Variants in EYS observed in about 807,000 individuals in gnomAD.
EYS encodes protein eyes shut homolog.
In EYS, 250 loss-of-function variants were observed where a neutral mutation model predicts 282.1. That is an observed-to-expected ratio of 0.89 (90% CI 0.80 to 0.98). The LOEUF (loss-of-function observed/expected upper bound fraction) is 0.98. Ranked by LOEUF, EYS falls within the 50% of genes least tolerant of loss-of-function variation. EYS has a pLI of 0.00. For synonymous variants in EYS, 1,355 were observed against 1,282.9 expected, an observed-to-expected ratio of 1.06 and a Z score of -1.20; for missense variants, 4,016 against 3,709.0, an observed-to-expected ratio of 1.08 and a Z score of -2.15.
intron 22 of EYS, among the ~76,000 whole-genome samples, chr6:64,665,935 C>CT: frequency 2.9e-4 from 1 of 3,406 alleles, no homozygotes; most frequent in South Asian, 0.1. Context: ...TGGCTGGAGG[C>CT]CAGGAACTTG....
intron 34 of EYS, among the ~76,000 whole-genome samples, chr6:63,985,164 A>G (rs1582081373): frequency 6.6e-6 from 1 of 151,834 alleles, no homozygotes; most frequent in Middle Eastern, 3.4e-3. Context: ...TTATAAGGAC[A>G]ATAGTCTTTT....
intron 1 of EYS, among the ~76,000 whole-genome samples, chr6:65,668,377 A>T (rs1435244400): frequency 2.0e-5 from 3 of 151,798 alleles, no homozygotes; most frequent in Non-Finnish European, 3.0e-5. Flanking sequence ...ATTATTTTAT[A>T]TTGGGTCTTG....
At chr6:64,023,125 C>G (rs1769271744) in intron 33 of EYS, among the ~76,000 whole-genome samples, 1 of 152,144 alleles carries the variant, frequency 6.6e-6, no homozygotes, top group Admixed American at 6.5e-5. Context: ...CTTTTTGTGT[C>G]TGGATTATTG....
intron 37 of EYS, among the ~76,000 whole-genome samples, chr6:63,790,289 T>C (rs1368889401): frequency 6.6e-6 from 1 of 152,176 alleles, no homozygotes; most frequent in Non-Finnish European, 1.5e-5. Context: ...GAGAGAAAGA[T>C]CTACAGGGAG....
intron 12 of EYS, among the ~76,000 whole-genome samples, chr6:65,113,766 T>G (rs915398840): frequency 7.9e-5 from 12 of 152,042 alleles, no homozygotes; most frequent in Admixed American, 6.6e-4. Flanking sequence ...CTTTTTCCTA[T>G]GACTAATTTT....
intron 8 of EYS, among the ~76,000 whole-genome samples, chr6:65,374,366 C>A (rs1266256658): frequency 6.6e-6 from 1 of 152,170 alleles, no homozygotes; most frequent in East Asian, 1.9e-4. Flanking sequence ...GCTATCTGGC[C>A]CAGATACTAC....
chr6:65,005,427 T>G (rs928434117), intron 13 of EYS, among the ~76,000 whole-genome samples: 1 of 147,474 alleles, frequency 6.8e-6, no homozygotes, highest in Non-Finnish European at 1.5e-5. Context: ...AACACAAGGC[T>G]TGCCACCATC....
intron 5 of EYS, among the ~76,000 whole-genome samples, chr6:65,466,791 G>C (rs1765015835): frequency 6.6e-6 from 1 of 152,122 alleles, no homozygotes; most frequent in Non-Finnish European, 1.5e-5. Context: ...ATCCAGAAGA[G>C]AAGGAACACA....
chr6:64,584,218 AAAC>A (rs1291873065), intron 26 of EYS, among the ~76,000 whole-genome samples: 1 of 151,964 alleles, frequency 6.6e-6, no homozygotes, highest in Non-Finnish European at 1.5e-5. Flanking sequence ...TAAATATTAA[AAAC>A]AACATTAAGG....
intron 30 of EYS, among the ~76,000 whole-genome samples, chr6:64,257,599 G>A (rs188112832): frequency 1.3e-5 from 2 of 152,098 alleles, no homozygotes; most frequent in East Asian, 3.9e-4. Context: ...AGTATAAAGT[G>A]ATACACAATA....
intron 30 of EYS, among the ~76,000 whole-genome samples, chr6:64,243,926 G>T (rs1362108461): frequency 6.6e-6 from 1 of 152,056 alleles, no homozygotes; most frequent in Non-Finnish European, 1.5e-5. Flanking sequence ...ATACTGCAGT[G>T]AATATCATCA....
At chr6:64,940,410 C>T (rs1583313688) in intron 15 of EYS, among the ~76,000 whole-genome samples, 1 of 151,682 alleles carries the variant, frequency 6.6e-6, no homozygotes, top group Non-Finnish European at 1.5e-5. Flanking sequence ...ATCAGAGTCT[C>T]AATGAAAGAA....
chr6:64,235,572 C>G (rs1368105045), intron 30 of EYS, among the ~76,000 whole-genome samples: 2 of 152,146 alleles, frequency 1.3e-5, no homozygotes, highest in Admixed American at 1.3e-4. Context: ...GTCTTTATAG[C>G]AGCATGATTT....
chr6:65,459,457 C>T (rs1012956169), intron 5 of EYS, among the ~76,000 whole-genome samples: 1 of 151,670 alleles, frequency 6.6e-6, no homozygotes, highest in African/African-American at 2.4e-5. Context: ...AAAGAACCTA[C>T]TATAACTTTC....
At chr6:64,499,090 C>T (rs1200886866) in intron 26 of EYS, among the ~76,000 whole-genome samples, 3 of 152,132 alleles carry the variant, frequency 2.0e-5, no homozygotes, top group African/African-American at 7.2e-5. Context: ...AATGTAAAAA[C>T]ATTCGTATTT....
chr6:64,914,900 T>C (rs1376766195), intron 15 of EYS, among the ~76,000 whole-genome samples: 1 of 152,090 alleles, frequency 6.6e-6, no homozygotes, highest in Non-Finnish European at 1.5e-5. Context: ...ACAAAATTTA[T>C]GACTGAAACA....
intron 15 of EYS, 69 bp downstream of exon 15, chr6:64,945,724 T>G: frequency 7.3e-7 from 1 of 1,378,282 alleles, no homozygotes; most frequent in Non-Finnish European, 9.9e-7. Context: ...AAATAATGTC[T>G]GGATGTATCC....
At chr6:64,491,349 T>C (rs1322259533) in intron 26 of EYS, among the ~76,000 whole-genome samples, 1 of 150,956 alleles carries the variant, frequency 6.6e-6, no homozygotes, top group African/African-American at 2.4e-5. Context: ...ATCTTTAAAC[T>C]CCTCAAAATA....
At chr6:65,421,071 G>A (rs1263880779) in intron 5 of EYS, among the ~76,000 whole-genome samples, 2 of 151,836 alleles carry the variant, frequency 1.3e-5, no homozygotes, top group African/African-American at 4.8e-5. Context: ...AAATTCACCA[G>A]CTGCATTAAC....
Sources: gnomAD v4.1 joint callset for allele counts (sites outside exome capture counted in the v4.1 genomes callset) on GRCh38, gnomAD v4.1.1 for gene constraint, MANE v1.5 for transcripts, NCBI Gene and HGNC (gene_info 2026-07-23, HGNC 2026-07-21) for gene names.